LRATD1: variants seen among roughly 807,000 people sequenced by gnomAD.
LRATD1 encodes the protein LRAT domain containing 1.
LRATD1 carries 8 observed loss-of-function variants against 21.3 expected under a neutral mutation model. The observed-to-expected ratio is 0.38, with a 90% CI of 0.22 to 0.68. LRATD1 has a LOEUF of 0.68. LRATD1 is among the 30% of genes least tolerant of loss of function. The pLI is 0.54. For missense variants in LRATD1, 380 were observed against 404.0 expected, an observed-to-expected ratio of 0.94 and a Z score of 0.51; for synonymous variants, 210 against 186.2, an observed-to-expected ratio of 1.13 and a Z score of -1.04.
chr2:14,640,157 C>T (rs1484910083), downstream of LRATD1: 1 of 165,302 alleles, frequency 6.0e-6, no homozygotes, highest in African/African-American at 2.4e-5. Flanking sequence ...AGATTTTTCT[C>T]GCATGAAATC....
At chr2:14,643,585 G>A (rs1381270483), downstream of LRATD1, among the ~76,000 whole-genome samples, 1 of 152,168 alleles carries the variant, frequency 6.6e-6, no homozygotes, top group East Asian at 1.9e-4. Flanking sequence ...TTTCACTTGT[G>A]TGGAGCATTC....
chr2:14,648,709 C>T (rs1228592207), intron 4 of LRATD1, among the ~76,000 whole-genome samples: 2 of 152,126 alleles, frequency 1.3e-5, no homozygotes. Context: ...TCTCCGGGAT[C>T]CCACAGGATT....
At position 14,637,758 on chromosome 2, in the gene LRATD1, T is replaced by C. The variant is rs1671720348; in HGVS notation, c.*2900T>C. 6.0e-6 allele frequency: 1 copy of C among 167,114 alleles called. No homozygotes were observed. Among genetic ancestry groups the C allele is most frequent in the African/African-American group, 2.4e-5 (1 of 41,472 alleles). 10.4% of individuals were successfully genotyped at this position (167,114 alleles called of 1,614,324 possible). ...GTTAACAATGCGAGTGAAACCAAGA[T>C]GGTGCAAGTTCCCTTTGCAGATGGC... On this transcript the variant is annotated 3_prime_UTR_variant, in exon 2 of 2. Transcript: ENST00000295092.
chr2:14,633,745 T>C lies in LRATD1; in HGVS notation c.-36-199T>C. ...GGGTCGGAGGCTGTGTGGTGGCGTC[T>C]GCTCTCGCCTGACCTGTGGCGGCTT... On this transcript the variant is annotated intron_variant, in intron 1 of 1. Transcript: ENST00000295092. This position sits in a 1 kb window ranked among gnomAD's most constrained non-coding sequence, Gnocchi z 7.5. The C allele has an allele frequency of 1.8e-6, 1 of 558,254 alleles. No individual in the cohort carries two copies. The allele number at this position is 558,254 out of a possible 1,614,324, so 34.6% of individuals were successfully genotyped here.
chr2:14,647,768 G>A (rs1671920550), intron 4 of LRATD1, among the ~76,000 whole-genome samples: 1 of 152,116 alleles, frequency 6.6e-6, no homozygotes, highest in South Asian at 2.1e-4. Flanking sequence ...GTGAGGATAA[G>A]TCACTCAGTT....
chr2:14,645,868 A>C (rs574456147), intron 2 of LRATD1, among the ~76,000 whole-genome samples: 1 of 152,306 alleles, frequency 6.6e-6, no homozygotes, highest in African/African-American at 2.4e-5. Flanking sequence ...TATAGCTTAC[A>C]TAGTCAATTG....
At position 14,634,165 on chromosome 2, in the gene LRATD1, C is replaced by A; in HGVS notation, c.186C>A (p.Thr62=). Reference sequence around the variant, plus strand: ...GCGTGAAGGCCCCCCCGGGTTGCACCCCCTGCCCGGAGAGCCCCAGCCGCC... The same window carrying A: ...GCGTGAAGGCCCCCCCGGGTTGCACACCCTGCCCGGAGAGCCCCAGCCGCC... ...KFGVKAPPGC[T]PCPESPSRHH... is the part of the protein sequence containing the mutation. Residue 62 remains threonine, a synonymous_variant, in exon 2 of 2, where the codon ACC becomes ACA. Coordinates refer to ENST00000295092, the MANE Select transcript of LRATD1 (RefSeq NM_145175.4). The A allele has an allele frequency of 1.9e-6, 3 of 1,613,680 alleles. No individual in the cohort carries two copies. Among genetic ancestry groups the A allele is most frequent in the Non-Finnish European group, 2.5e-6 (3 of 1,179,944 alleles).
At chr2:14,651,579 T>A (rs114729593), downstream of LRATD1, among the ~76,000 whole-genome samples, 861 of 152,264 alleles carry the variant, frequency 5.7e-3, 4 homozygotes, top group African/African-American at 0.02. Context: ...ATTTTCCCAC[T>A]CTGGCAGTTG....
chr2:14,649,429 A>C, exon 5 of LRATD1: 1 of 452,892 alleles, frequency 2.2e-6, no homozygotes. Context: ...CTTTTCAGCA[A>C]CCATATCCTC....
chr2:14,637,634 T>C lies in LRATD1; in HGVS notation c.*2776T>C, dbSNP rs920025148. On this transcript the variant is annotated 3_prime_UTR_variant, in exon 2 of 2. Transcript: ENST00000295092. ...TTGTCAGTGTTAGTAAGGTAACCCATGACAGAATAATTTGAGTGATAGTTC... is the reference window on the plus strand; with the variant it reads ...TTGTCAGTGTTAGTAAGGTAACCCACGACAGAATAATTTGAGTGATAGTTC... 2 of 167,036 alleles carry C rather than the reference T, an allele frequency of 1.2e-5. No homozygotes were observed. The highest frequency in any genetic ancestry group is 2.9e-5 in the Non-Finnish European group (2 of 68,106). The allele number at this position is 167,036 out of a possible 1,614,324, so 10.3% of individuals were successfully genotyped here.
Position 14,633,789 on chromosome 2 carries a change from T to G in LRATD1, c.-36-155T>G. 1.4e-6 allele frequency: 1 copy of G among 722,256 alleles called. No homozygotes were observed. Among genetic ancestry groups the G allele is most frequent in the Non-Finnish European group, 2.2e-6 (1 of 445,096 alleles). The allele number at this position is 722,256 out of a possible 1,614,324, so 44.7% of individuals were successfully genotyped here. A position where few individuals can be genotyped will look rare whatever the true frequency, so the allele number is the denominator to read the frequency against. On this transcript the variant is annotated intron_variant, in intron 1 of 1. Transcript: ENST00000295092. The surrounding 1 kb of genome is among the most constrained non-coding windows in gnomAD (Gnocchi z 7.5). ...GCGGCTTCTCCGCCCCTCGTACCCC[T>G]GGGGAGGCACGGAGGACTCGGCTGG...
Position 14,634,321 on chromosome 2 carries a change from C to A in LRATD1, c.342C>A (p.Thr114=). 1 of 1,594,690 alleles carries A rather than the reference C, an allele frequency of 6.3e-7. No individual in the cohort carries two copies. The highest frequency in any genetic ancestry group is 8.5e-7 in the Non-Finnish European group (1 of 1,174,734). ...CCGACCTAAGCGTCTACGCGGTCAC[C>A]GCGCTGCCAGCGCTCTGCGAACCCG... is the stretch of plus-strand genomic sequence containing the variant. ...QGADLSVYAV[T]ALPALCEPGD... Residue 114 remains threonine (T), a synonymous_variant, in exon 2 of 2, where the codon ACC becomes ACA. Coordinates refer to ENST00000295092, the MANE Select transcript of LRATD1 (RefSeq NM_145175.4).
At chr2:14,650,430 C>G (rs545523612), downstream of LRATD1, 3 of 152,212 alleles carry the variant, frequency 2.0e-5, no homozygotes, top group Non-Finnish European at 4.4e-5. Flanking sequence ...TATAATTTGT[C>G]TTACATTTTT....
intron 4 of LRATD1, among the ~76,000 whole-genome samples, chr2:14,648,972 C>T (rs1671945653): frequency 6.6e-6 from 1 of 152,262 alleles, no homozygotes; most frequent in Non-Finnish European, 1.5e-5. Context: ...TGTTTCTCTT[C>T]TCTCTTAGGT....
chr2:14,649,433 T>C, exon 5 of LRATD1: 1 of 451,956 alleles, frequency 2.2e-6, no homozygotes, highest in African/African-American at 2.0e-5. Context: ...TCAGCAACCA[T>C]ATCCTCCCTC....
rs1488178184 is a variant in LRATD1, at chr2:14,637,697, T to C, written c.*2839T>C. On this transcript the variant is annotated 3_prime_UTR_variant, in exon 2 of 2. Coordinates refer to ENST00000295092, the MANE Select transcript of LRATD1 (RefSeq NM_145175.4). ...ATATGATCAAGATATTACCTAATGG[T>C]TTTATCCTGAAAAAGGTGTATACTT... 1 of 166,988 alleles carries C rather than the reference T, an allele frequency of 6.0e-6. No individual in the cohort carries two copies. The highest frequency in any genetic ancestry group is 1.5e-5 in the Non-Finnish European group (1 of 68,104). 10.3% of individuals were successfully genotyped at this position (166,988 alleles called of 1,614,324 possible).
downstream of LRATD1, among the ~76,000 whole-genome samples, chr2:14,651,149 T>A (rs1270351843): frequency 1.3e-5 from 2 of 152,206 alleles, no homozygotes; most frequent in African/African-American, 4.8e-5. Context: ...ATTTTGTGTT[T>A]ACGTACTATA....
At chr2:14,650,577 A>G (rs1016917250), downstream of LRATD1, 2 of 152,166 alleles carry the variant, frequency 1.3e-5, no homozygotes, top group Non-Finnish European at 2.9e-5. Context: ...AGCATGCCTC[A>G]ATTTTAATTG....
Position 14,634,058 on chromosome 2 carries a change from GA to G in LRATD1, c.80del (p.Asp27AlafsTer29), listed in dbSNP as rs1671616039. On this transcript the variant is annotated frameshift_variant, in exon 2 of 2. Transcript: ENST00000295092. LOFTEE classifies it high-confidence loss of function. ...AGGGGACCCGTCGGGGATTGAAAAG[GA>G]CGAACTGCGGGTCGGGGTTGCCTAC... is the stretch of plus-strand genomic sequence containing the variant. ...PTGDPSGIEK[D>X]ELRVGVAYFF... 1 of 1,614,040 alleles carries G rather than the reference GA, an allele frequency of 6.2e-7. No homozygotes were observed. The highest frequency in any genetic ancestry group is 1.3e-5 in the African/African-American group (1 of 74,952).
Sources: gnomAD v4.1 joint callset for allele counts (sites outside exome capture counted in the v4.1 genomes callset) on GRCh38, gnomAD v4.1.1 for gene constraint, Gnocchi (gnomAD v3.1) non-coding constraint, MANE v1.5 for transcripts, NCBI Gene and HGNC (gene_info 2026-07-23, HGNC 2026-07-21) for gene names.